The following SSH1 variants were observed in gnomAD, a reference collection of about 807,000 sequenced individuals.
The protein encoded by SSH1 is protein phosphatase Slingshot homolog 1.
A neutral mutation model predicts 79.7 loss-of-function variants in SSH1; 43 were observed. That is an observed-to-expected ratio of 0.54 (90% CI 0.42 to 0.70). The LOEUF (loss-of-function observed/expected upper bound fraction) is 0.70, where lower values mean the gene tolerates loss of function less well. Among genes scored for constraint, SSH1 ranks in the 30% least tolerant of loss-of-function variants. SSH1 has a pLI of 0.00. For missense variants in SSH1, 1,206 were observed against 1,358.8 expected (o/e 0.89, Z 1.77); for synonymous variants, 599 against 538.3 (o/e 1.11, Z -1.56).
chr12:108,813,844 A>C (rs1169273780), intron 5 of SSH1, among the ~76,000 whole-genome samples: 1 of 151,996 alleles, frequency 6.6e-6, no homozygotes, highest in Non-Finnish European at 1.5e-5. Context: ...ACAGGAAAAG[A>C]AAGAAGAGAA....
At chr12:108,795,732 C>T (rs1009477608) in intron 13 of SSH1, among the ~76,000 whole-genome samples, 13 of 151,958 alleles carry the variant, frequency 8.6e-5, no homozygotes, top group Non-Finnish European at 1.9e-4. Flanking sequence ...TTGTGGTGCG[C>T]ACCTGTAGTC....
rs1352314497 is a variant in SSH1, at chr12:108,785,810, C to CA, written c.*2177dup. On this transcript the variant is annotated 3_prime_UTR_variant, in exon 15 of 15. Coordinates refer to ENST00000326495, the MANE Select transcript of SSH1 (RefSeq NM_018984.4). Reference sequence around the variant, plus strand: ...CTAAATTTAAAAGATTATTTTGACACAAAAATTGATCTACCACATGAAATT... The same window carrying CA: ...CTAAATTTAAAAGATTATTTTGACACAAAAAATTGATCTACCACATGAAATT... 2 of 152,126 alleles carry CA rather than the reference C, an allele frequency of 1.3e-5. No individual in the cohort carries two copies. Among genetic ancestry groups the CA allele is most frequent in the Non-Finnish European group, 2.9e-5 (2 of 68,030 alleles). 9.4% of individuals were successfully genotyped at this position (152,126 alleles called of 1,614,324 possible).
chr12:108,834,583 C>T (rs934557648), intron 2 of SSH1, among the ~76,000 whole-genome samples: 1 of 152,166 alleles, frequency 6.6e-6, no homozygotes, highest in Non-Finnish European at 1.5e-5. Flanking sequence ...GCTTAAGCAT[C>T]CATGGATTTT....
chr12:108,801,801 C>T (rs1395281769), intron 11 of SSH1, among the ~76,000 whole-genome samples: 1 of 151,764 alleles, frequency 6.6e-6, no homozygotes, highest in East Asian at 1.9e-4. Flanking sequence ...CATTTTTCAT[C>T]CCTGCTGAGT....
chr12:108,806,348 G>A lies in SSH1; in HGVS notation c.778C>T (p.Arg260Ter). The A allele has an allele frequency of 3.7e-6, 6 of 1,614,064 alleles. No homozygotes were observed. Among genetic ancestry groups the A allele is most frequent in the Non-Finnish European group, 5.1e-6 (6 of 1,180,030 alleles). Residue 260 changes from arginine (R) to a stop codon, truncating the protein, a stop_gained, in exon 9 of 15, where the codon CGA becomes TGA. Coordinates refer to ENST00000326495, the MANE Select transcript of SSH1 (RefSeq NM_018984.4). LOFTEE classifies it high-confidence loss of function. ...AGATCCTGGCTCATCATGATGCTTC[G>A]GAGCTTGGCTTTGATGAGGCGCTCG... ...RTERLIKAKLRSIMMSQDLEN... is the reference protein window; with the variant it reads ...RTERLIKAKL
intron 14 of SSH1, among the ~76,000 whole-genome samples, chr12:108,791,414 G>GT (rs1308266885): frequency 1.3e-5 from 2 of 152,134 alleles, no homozygotes; most frequent in Non-Finnish European, 2.9e-5. Flanking sequence ...GGCCCTATCA[G>GT]TTTTTTTAAA....
intron 2 of SSH1, chr12:108,837,081 A>C (rs140145787): frequency 0.016 from 6,392 of 396,440 alleles, 90 homozygotes; most frequent in Non-Finnish European, 0.025. Context: ...AAAATACAAA[A>C]ATTAGCCGAG....
chr12:108,816,721 TCAC>T (rs1448270971), intron 5 of SSH1, among the ~76,000 whole-genome samples: 1 of 152,214 alleles, frequency 6.6e-6, no homozygotes, highest in Non-Finnish European at 1.5e-5. Flanking sequence ...GGCGTTGTTG[TCAC>T]CTCCTTCAGG....
intron 2 of SSH1, among the ~76,000 whole-genome samples, chr12:108,839,413 A>C (rs1416097745): frequency 2.0e-5 from 3 of 152,174 alleles, no homozygotes; most frequent in African/African-American, 7.2e-5. Flanking sequence ...GGGCCTGGCC[A>C]CTGGGGAAGT....
chr12:108,831,226 C>T (rs1308697884), intron 2 of SSH1, among the ~76,000 whole-genome samples: 2 of 152,222 alleles, frequency 1.3e-5, no homozygotes, highest in African/African-American at 4.8e-5. Context: ...TAGAACTAAC[C>T]CTCAATGGTA....
intron 6 of SSH1, 73 bp from the exon 7 acceptor site, chr12:108,809,831 GAGGGAGCCAAACC>G: frequency 7.4e-7 from 1 of 1,349,662 alleles, no homozygotes; most frequent in Non-Finnish European, 1.1e-6. Flanking sequence ...ACTCTGGGAG[GAGGGAGCCAAACC>G]ACTGCGCACG....
chr12:108,815,540 C>T (rs762784813), intron 5 of SSH1, among the ~76,000 whole-genome samples: 4 of 152,208 alleles, frequency 2.6e-5, no homozygotes, highest in African/African-American at 7.2e-5. Context: ...CAATTACAAC[C>T]GCAAGACGGT....
At chr12:108,804,696 G>GT (rs1466619763) in intron 10 of SSH1, among the ~76,000 whole-genome samples, 3 of 152,202 alleles carry the variant, frequency 2.0e-5, no homozygotes, top group African/African-American at 7.2e-5. Flanking sequence ...AGTAACTGGG[G>GT]TTTTTTAGCC....
At position 108,809,620 on chromosome 12, in the gene SSH1, G is replaced by A. The variant is rs2037473258; in HGVS notation, c.536+73C>T. On this transcript the variant is annotated intron_variant, in intron 7 of 14. Transcript: ENST00000326495. ...ATACGTAACGAGCTTCTTGGTAGAA[G>A]GGGTTTTTCTATTCATGCTGTCGGC... is the stretch of plus-strand genomic sequence containing the variant. 5 of 1,279,618 alleles carry A rather than the reference G, an allele frequency of 3.9e-6. No homozygotes were observed. In the South Asian group the frequency reaches 5.9e-5, roughly 15 times the overall value. 79.3% of individuals were successfully genotyped at this position (1,279,618 alleles called of 1,614,324 possible). A position where few individuals can be genotyped will look rare whatever the true frequency, so the allele number is the denominator to read the frequency against.
chr12:108,797,095 C>T (rs2036783834), intron 13 of SSH1, among the ~76,000 whole-genome samples: 1 of 152,180 alleles, frequency 6.6e-6, no homozygotes, highest in Non-Finnish European at 1.5e-5. Context: ...GTACCATTAA[C>T]ATCCACATTA....
chr12:108,801,036 G>A, intron 11 of SSH1, 110 bp from the exon 12 acceptor site: 1 of 1,127,442 alleles, frequency 8.9e-7, no homozygotes, highest in Non-Finnish European at 1.3e-6. Flanking sequence ...TTAACCAAGG[G>A]TCATATGTTC....
intron 9 of SSH1, among the ~76,000 whole-genome samples, 185 bp downstream of exon 9, chr12:108,806,116 A>G (rs1221006341): frequency 3.3e-5 from 5 of 152,176 alleles, no homozygotes; most frequent in Non-Finnish European, 4.4e-5. Flanking sequence ...CTGGACTCAA[A>G]CTGGAGTCTG....
chr12:108,853,273 G>A, intron 1 of SSH1: 1 of 984,914 alleles, frequency 1.0e-6, no homozygotes, highest in Non-Finnish European at 1.2e-6. Context: ...GCAAGAAAGA[G>A]ATATTTAATA....
intron 13 of SSH1, among the ~76,000 whole-genome samples, chr12:108,798,280 G>A (rs2036837214): frequency 6.6e-6 from 1 of 152,180 alleles, no homozygotes; most frequent in Non-Finnish European, 1.5e-5. Flanking sequence ...CACCCACCTT[G>A]GCCTCCCAAA....
Sources: gnomAD v4.1 joint callset for allele counts (sites outside exome capture counted in the v4.1 genomes callset) on GRCh38, gnomAD v4.1.1 for gene constraint, MANE v1.5 for transcripts, NCBI Gene and HGNC (gene_info 2026-07-23, HGNC 2026-07-21) for gene names.